KCNIP1: variants seen among roughly 807,000 people sequenced by gnomAD.
KCNIP1 encodes the protein A-type potassium channel modulatory protein KCNIP1.
In KCNIP1, 18 loss-of-function variants were observed where a neutral mutation model predicts 33.0. The observed-to-expected ratio is 0.55, with a 90% CI of 0.38 to 0.81. The LOEUF is 0.81. Among genes scored for constraint, KCNIP1 ranks in the 30% least tolerant of loss-of-function variants. KCNIP1 has a pLI of 0.00. For missense variants in KCNIP1, 238 were observed against 271.6 expected (o/e 0.88, Z 0.87); for synonymous variants, 93 against 98.3 (o/e 0.95, Z 0.32).
At chr5:170,636,276 G>A (rs1760276119) in intron 1 of KCNIP1, among the ~76,000 whole-genome samples, 1 of 152,158 alleles carries the variant, frequency 6.6e-6, no homozygotes, top group African/African-American at 2.4e-5. Context: ...GTTCACCAGG[G>A]GAATGAGAGT....
chr5:170,634,754 A>G (rs1760219352), intron 1 of KCNIP1, among the ~76,000 whole-genome samples: 1 of 152,254 alleles, frequency 6.6e-6, no homozygotes, highest in Admixed American at 6.5e-5. Flanking sequence ...TGTGTCCTGA[A>G]AGCCAAAAAG....
At position 170,402,330 on chromosome 5, in the gene KCNIP1, A is replaced by G. The variant is rs116752389; in HGVS notation, c.88+48366A>G. 6.3e-3 allele frequency among the ~76,000 whole-genome samples: 952 copies of G among 152,304 alleles called. 11 individuals carry two copies. The highest frequency in any genetic ancestry group is 0.021 in the African/African-American group (889 of 41,556). On this transcript the variant is annotated intron_variant, in intron 1 of 7. Transcript: ENST00000377360. ...ACTCATCTTATTCAATCTATATAACAACTCTGAGAGGGAGGTGAATTAGCC... is the reference window on the plus strand; with the variant it reads ...ACTCATCTTATTCAATCTATATAACGACTCTGAGAGGGAGGTGAATTAGCC...
chr5:170,464,387 T>C (rs990215598), intron 1 of KCNIP1, among the ~76,000 whole-genome samples: 1 of 152,214 alleles, frequency 6.6e-6, no homozygotes, highest in East Asian at 1.9e-4. Flanking sequence ...GGAAAAGCTA[T>C]TGCTGGAATT....
At chr5:170,488,438 G>C (rs918440909) in intron 1 of KCNIP1, among the ~76,000 whole-genome samples, 5 of 152,084 alleles carry the variant, frequency 3.3e-5, no homozygotes, top group Admixed American at 2.0e-4. Flanking sequence ...TTCCTTCAAG[G>C]GTTTTCCATC....
At chr5:170,713,024 T>C in intron 1 of KCNIP1, 3 of 737,746 alleles carry the variant, frequency 4.1e-6, no homozygotes, top group Admixed American at 2.2e-5. Context: ...CCCACATATA[T>C]AGAAACAGTT....
At chr5:170,488,084 T>A (rs1757135445) in intron 1 of KCNIP1, among the ~76,000 whole-genome samples, 1 of 152,250 alleles carries the variant, frequency 6.6e-6, no homozygotes, top group African/African-American at 2.4e-5. Context: ...TATAAGCTGA[T>A]GGTGCCTCCT....
At chr5:170,474,514 A>G (rs1756807022) in intron 1 of KCNIP1, among the ~76,000 whole-genome samples, 1 of 152,240 alleles carries the variant, frequency 6.6e-6, no homozygotes, top group Admixed American at 6.5e-5. Flanking sequence ...CCCCTGCAAG[A>G]GGATTGGTCT....
chr5:170,398,294 G>A (rs183974224), intron 1 of KCNIP1, among the ~76,000 whole-genome samples: 20 of 152,232 alleles, frequency 1.3e-4, no homozygotes, highest in Middle Eastern at 3.4e-3. Flanking sequence ...CACACTTTTT[G>A]TTATTTCCCT....
At chr5:170,606,872 A>C (rs1340146424) in intron 1 of KCNIP1, among the ~76,000 whole-genome samples, 5 of 152,276 alleles carry the variant, frequency 3.3e-5, no homozygotes, top group African/African-American at 7.2e-5. Flanking sequence ...CCTCCACCGA[A>C]GCACTACTTT....
chr5:170,456,266 A>T (rs991306450), intron 1 of KCNIP1, among the ~76,000 whole-genome samples: 3 of 152,114 alleles, frequency 2.0e-5, no homozygotes, highest in Non-Finnish European at 4.4e-5. Context: ...CAATGAGTAC[A>T]CATGGACACA....
intron 1 of KCNIP1, among the ~76,000 whole-genome samples, chr5:170,362,473 G>A (rs1033316111): frequency 6.6e-6 from 1 of 152,194 alleles, no homozygotes; most frequent in African/African-American, 2.4e-5. Flanking sequence ...TGAGGAGAAT[G>A]CCCTCTGAGA....
At chr5:170,509,737 A>G (rs1157205171) in intron 1 of KCNIP1, among the ~76,000 whole-genome samples, 1 of 152,224 alleles carries the variant, frequency 6.6e-6, no homozygotes, top group Non-Finnish European at 1.5e-5. Flanking sequence ...TCTTTTCACA[A>G]AGAGCATTGA....
At chr5:170,525,461 A>C (rs1029023225) in intron 1 of KCNIP1, among the ~76,000 whole-genome samples, 3 of 152,246 alleles carry the variant, frequency 2.0e-5, no homozygotes, top group Admixed American at 2.0e-4. Context: ...GCAAGAACCA[A>C]GCACTATCAT....
Position 170,685,757 on chromosome 5 carries a change from G to A in KCNIP1, c.62-33001G>A, listed in dbSNP as rs147759236. Among the ~76,000 whole-genome samples, 508 of 152,180 alleles carry A rather than the reference G, an allele frequency of 3.3e-3. 3 individuals are homozygous for A. Among genetic ancestry groups the A allele is most frequent in the African/African-American group, 0.012 (480 of 41,526 alleles). ...ACCCACCTCGGCCTCCCAAAGTGCT[G>A]GGATTACAGGTGTGAGCCACTGCCC... On this transcript the variant is annotated intron_variant, in intron 1 of 7. Transcript: ENST00000328939.
chr5:170,664,503 G>C (rs1025981528), intron 1 of KCNIP1, among the ~76,000 whole-genome samples: 1 of 152,124 alleles, frequency 6.6e-6, no homozygotes, highest in African/African-American at 2.4e-5. Context: ...TAGAGATGGG[G>C]TTTCACCATG....
At chr5:170,601,581 A>G (rs537821294) in intron 1 of KCNIP1, among the ~76,000 whole-genome samples, 51 of 152,174 alleles carry the variant, frequency 3.4e-4, no homozygotes, top group Non-Finnish European at 6.8e-4. Flanking sequence ...AAGGAAATTG[A>G]ATGAAATTTG....
At chr5:170,721,762 G>T (rs556301388) in intron 3 of KCNIP1, 71 bp from the exon 4 acceptor site, 2 of 1,614,116 alleles carry the variant, frequency 1.2e-6, no homozygotes, top group Admixed American at 1.7e-5. Context: ...TCGAAGCCCT[G>T]CCTTGTTTGG....
chr5:170,649,702 G>A (rs530174081), intron 1 of KCNIP1, among the ~76,000 whole-genome samples: 18 of 152,230 alleles, frequency 1.2e-4, no homozygotes, highest in Non-Finnish European at 2.1e-4. Flanking sequence ...ATTAGTAGGA[G>A]CACTGACCTG....
At chr5:170,359,780 C>G (rs757902772) in intron 1 of KCNIP1, among the ~76,000 whole-genome samples, 1 of 152,184 alleles carries the variant, frequency 6.6e-6, no homozygotes, top group Non-Finnish European at 1.5e-5. Flanking sequence ...CCAGCATTCC[C>G]TGACCCATTT....
Sources: allele counts gnomAD v4.1 joint callset (sites outside exome capture counted in the v4.1 genomes callset), GRCh38; gene constraint gnomAD v4.1.1; transcripts MANE v1.5; gene names NCBI Gene and HGNC (gene_info 2026-07-23, HGNC 2026-07-21).